The following CNBD1 variants were observed in gnomAD, a reference collection of about 807,000 sequenced individuals.
CNBD1 encodes cyclic nucleotide-binding domain-containing protein 1.
CNBD1 carries 71 observed loss-of-function variants against 54.4 expected under a neutral mutation model. That is an observed-to-expected ratio of 1.30 (90% CI 1.08 to 1.59). CNBD1 has a LOEUF of 1.59. Among genes scored for constraint, CNBD1 ranks in the 40% most tolerant of loss-of-function variants. The pLI is 0.00. For missense variants in CNBD1, 659 were observed against 518.0 expected (o/e 1.27, Z -2.64); for synonymous variants, 182 against 170.7 (o/e 1.07, Z -0.51).
At chr8:87,098,803 C>T (rs540957003) in intron 4 of CNBD1, among the ~76,000 whole-genome samples, 13 of 150,776 alleles carry the variant, frequency 8.6e-5, no homozygotes, top group East Asian at 2.0e-4. Flanking sequence ...TTTGGGAGGC[C>T]GAGGCGGGTG....
chr8:86,981,848 A>G lies in CNBD1; in HGVS notation c.431+42094A>G, dbSNP rs118086887. 8.6e-3 allele frequency among the ~76,000 whole-genome samples: 1,307 copies of G among 152,318 alleles called. 9 individuals carry two copies. Among genetic ancestry groups the G allele is most frequent in the Non-Finnish European group, 0.013 (915 of 68,028 alleles). On this transcript the variant is annotated intron_variant, in intron 4 of 10. Coordinates refer to ENST00000518476, the MANE Select transcript of CNBD1 (RefSeq NM_173538.3). ...TGTTTCTAGTATCTGACTATTGTGA[A>G]TAATGATTTTATGAACATTCTTGGA...
chr8:87,209,412 C>T (rs1409843368), intron 5 of CNBD1, among the ~76,000 whole-genome samples: 1 of 151,910 alleles, frequency 6.6e-6, no homozygotes, highest in East Asian at 1.9e-4. Flanking sequence ...AATAAGCAAA[C>T]AATTCCATTT....
intron 8 of CNBD1, among the ~76,000 whole-genome samples, chr8:87,287,066 G>A (rs766396373): frequency 6.6e-6 from 1 of 152,100 alleles, no homozygotes; most frequent in African/African-American, 2.4e-5. Flanking sequence ...TATTTAAGCA[G>A]CAAGTTTGCT....
At chr8:87,062,053 G>C (rs1414212950) in intron 4 of CNBD1, among the ~76,000 whole-genome samples, 1 of 152,218 alleles carries the variant, frequency 6.6e-6, no homozygotes, top group Non-Finnish European at 1.5e-5. Flanking sequence ...ACCAGTGAAT[G>C]AAAAGTGAAC....
At chr8:87,233,886 A>T (rs1374332523) in intron 5 of CNBD1, among the ~76,000 whole-genome samples, 1 of 152,162 alleles carries the variant, frequency 6.6e-6, no homozygotes, top group Non-Finnish European at 1.5e-5. Context: ...TTTACCCACA[A>T]AACATTTCAA....
At chr8:86,881,269 T>A (rs531160545) in intron 1 of CNBD1, among the ~76,000 whole-genome samples, 1 of 152,290 alleles carries the variant, frequency 6.6e-6, no homozygotes, top group South Asian at 2.1e-4. Context: ...ATTCTATATC[T>A]AGAAAACCCT....
intron 4 of CNBD1, among the ~76,000 whole-genome samples, chr8:87,089,474 T>C (rs937244556): frequency 6.6e-6 from 1 of 152,128 alleles, no homozygotes; most frequent in Non-Finnish European, 1.5e-5. Flanking sequence ...ATTAGCATTA[T>C]AGAAATTGAC....
intron 2 of CNBD1, among the ~76,000 whole-genome samples, chr8:87,425,029 C>A (rs1311549452): frequency 1.1e-4 from 16 of 152,022 alleles, no homozygotes; most frequent in Admixed American, 1.0e-3. Flanking sequence ...TCTTTTTATT[C>A]TTTTTTCTCT....
chr8:87,377,201 T>A (rs986647535), intron 10 of CNBD1, among the ~76,000 whole-genome samples: 23 of 151,558 alleles, frequency 1.5e-4, no homozygotes, highest in Admixed American at 1.5e-3. Context: ...GTGCACATTG[T>A]GCAGGTTAGT....
chr8:87,427,920 C>A (rs1308837093), intron 2 of CNBD1, among the ~76,000 whole-genome samples: 1 of 152,106 alleles, frequency 6.6e-6, no homozygotes, highest in Non-Finnish European at 1.5e-5. Flanking sequence ...TCTCCTGGAT[C>A]ACAGACCTTC....
chr8:87,114,811 C>G (rs1811737053), intron 4 of CNBD1, among the ~76,000 whole-genome samples: 1 of 152,158 alleles, frequency 6.6e-6, no homozygotes, highest in African/African-American at 2.4e-5. Context: ...CTTTGGTATA[C>G]CCTTTATAAC....
chr8:87,277,963 A>G (rs993452318), intron 6 of CNBD1, among the ~76,000 whole-genome samples: 4 of 151,718 alleles, frequency 2.6e-5, no homozygotes, highest in East Asian at 1.9e-4. Flanking sequence ...CCAAGATCAT[A>G]TCTGACAATG....
intron 4 of CNBD1, among the ~76,000 whole-genome samples, chr8:87,199,586 A>G (rs1295887963): frequency 1.1e-4 from 17 of 152,202 alleles, no homozygotes; most frequent in Admixed American, 1.1e-3. Flanking sequence ...AAAGTACACA[A>G]TACTGTATTG....
intron 6 of CNBD1, among the ~76,000 whole-genome samples, chr8:87,278,875 A>T (rs1390978157): frequency 6.6e-6 from 1 of 151,388 alleles, no homozygotes; most frequent in Non-Finnish European, 1.5e-5. Context: ...GTGTAAAAAA[A>T]TTTTTCAATC....
intron 5 of CNBD1, among the ~76,000 whole-genome samples, chr8:87,221,693 A>C (rs1295169014): frequency 6.6e-6 from 1 of 152,112 alleles, no homozygotes; most frequent in Non-Finnish European, 1.5e-5. Flanking sequence ...ACAATACCAG[A>C]AGAGTATTTA....
At position 86,905,123 on chromosome 8, in the gene CNBD1, G is replaced by A. The variant is rs778778341; in HGVS notation, c.201G>A (p.Met67Ile). 1 of 1,612,308 alleles carries A rather than the reference G, an allele frequency of 6.2e-7. No homozygotes were observed. Among genetic ancestry groups the A allele is most frequent in the East Asian group, 2.2e-5 (1 of 44,818 alleles). Reference sequence around the variant, plus strand: ...TCTTATCAGCTCACGATACATTTATGAAGCAATATCCTAAAGTATTCCTGC... The same window carrying A: ...TCTTATCAGCTCACGATACATTTATAAAGCAATATCCTAAAGTATTCCTGC... ...SNILSAHDTFMKQYPKVFLHQ... is the reference protein window; with the variant it reads ...SNILSAHDTFIKQYPKVFLHQ... The change falls in exon 3 of 11, where the codon ATG (methionine) becomes ATA (isoleucine). Residue 67 changes from methionine (M) to isoleucine (I), a missense_variant. Transcript: ENST00000518476.
intron 10 of CNBD1, among the ~76,000 whole-genome samples, chr8:87,360,218 C>G (rs190528948): frequency 6.6e-6 from 1 of 151,830 alleles, no homozygotes. Context: ...ATGTTAAATG[C>G]TCTACTGGAG....
intron 4 of CNBD1, among the ~76,000 whole-genome samples, chr8:87,017,499 C>T (rs753176454): frequency 2.6e-5 from 4 of 152,120 alleles, no homozygotes; most frequent in South Asian, 2.1e-4. Flanking sequence ...AAAGCTATCC[C>T]TATATTAATG....
intron 4 of CNBD1, among the ~76,000 whole-genome samples, chr8:87,151,845 T>C (rs1408121705): frequency 2.6e-5 from 4 of 152,204 alleles, no homozygotes; most frequent in African/African-American, 7.2e-5. Flanking sequence ...TTTTGGTCTA[T>C]ACTTCTTCAT....
Sources: gnomAD v4.1 joint callset for allele counts (sites outside exome capture counted in the v4.1 genomes callset) on GRCh38, gnomAD v4.1.1 for gene constraint, MANE v1.5 for transcripts, NCBI Gene and HGNC (gene_info 2026-07-23, HGNC 2026-07-21) for gene names.